SLC26A11: variants seen among roughly 807,000 people sequenced by gnomAD.
SLC26A11 encodes the protein sodium-independent sulfate anion transporter.
A neutral mutation model predicts 62.2 loss-of-function variants in SLC26A11; 58 were observed. The ratio of observed to expected loss-of-function variants is 0.93; its 90% CI spans 0.76 to 1.16. The LOEUF (loss-of-function observed/expected upper bound fraction) is 1.16, where lower values mean the gene tolerates loss of function less well. Among genes scored for constraint, SLC26A11 ranks in the 50% most tolerant of loss-of-function variants. SLC26A11 has a pLI of 0.00. For synonymous variants in SLC26A11, 411 were observed against 368.9 expected (o/e 1.11, Z -1.31); for missense variants, 790 against 794.3 (o/e 0.99, Z 0.06).
chr17:80,223,197 C>T lies in SLC26A11; in HGVS notation c.428-55C>T, dbSNP rs1214097642. 1 of 1,520,908 alleles carries T rather than the reference C, an allele frequency of 6.6e-7. No homozygotes were observed. The highest frequency in any genetic ancestry group is 1.4e-5 in the African/African-American group (1 of 72,806). The allele number at this position is 1,520,908 out of a possible 1,614,324, so 94.2% of individuals were successfully genotyped here. A position where few individuals can be genotyped will look rare whatever the true frequency, so the allele number is the denominator to read the frequency against. On this transcript the variant is annotated intron_variant, in intron 4 of 17. Transcript: ENST00000361193. The surrounding 1 kb of genome is among the most constrained non-coding windows in gnomAD (Gnocchi z 4.6). ...TTCCCCAGCTCACATCTCCCCTCATCCTCTGGGACTGGGTGGAGCCGGGAC... is the reference window on the plus strand; with the variant it reads ...TTCCCCAGCTCACATCTCCCCTCATTCTCTGGGACTGGGTGGAGCCGGGAC...
At chr17:80,248,796 TCTCTGAGTGGGCTGGACCGTC>T (rs2043081716) in intron 15 of SLC26A11, 122 bp downstream of exon 15, 1 of 1,011,890 alleles carries the variant, frequency 9.9e-7, no homozygotes, top group African/African-American at 1.6e-5. Context: ...GATGCAGGCA[TCTCTGAGTGGGCTGGACCGTC>T]CTCTGTGGGC....
intron 7 of SLC26A11, among the ~76,000 whole-genome samples, chr17:80,230,756 A>T (rs1264835733): frequency 6.6e-6 from 1 of 152,334 alleles, no homozygotes; most frequent in East Asian, 1.9e-4. Context: ...TTTACAGTGT[A>T]GGGCTGCTGA....
At chr17:80,239,551 A>G (rs150717202) in intron 9 of SLC26A11, among the ~76,000 whole-genome samples, 22,924 of 151,246 alleles carry the variant, frequency 0.15, 2,659 homozygotes, top group African/African-American at 0.32. Flanking sequence ...CACCACGCCC[A>G]GCTAATTTTT....
intron 17 of SLC26A11, 128 bp downstream of exon 17, chr17:80,251,529 G>A (rs2043155793): frequency 1.3e-5 from 16 of 1,191,158 alleles, no homozygotes; most frequent in East Asian, 5.5e-5. Context: ...TTGGGAGGCC[G>A]AGGCAGGTGG....
rs1214649579 is a variant in SLC26A11, at chr17:80,222,249, G to T, written c.235-406G>T. ...AAATTAGCCAGGTGTGGTGGCGGGT[G>T]CCTGTAGTCCCAGCTACCTGGGAGG... is the stretch of plus-strand genomic sequence containing the variant. On this transcript the variant is annotated intron_variant, in intron 3 of 17. Coordinates refer to ENST00000361193, the MANE Select transcript of SLC26A11 (RefSeq NM_001166347.2). This position sits in a 1 kb window ranked among gnomAD's most constrained non-coding sequence, Gnocchi z 4.7. The T allele has an allele frequency of 2.6e-5, 5 of 193,184 alleles. No homozygotes were observed. Among genetic ancestry groups the T allele is most frequent in the South Asian group, 2.7e-4 (2 of 7,508 alleles). The allele number at this position is 193,184 out of a possible 1,614,324, so 12.0% of individuals were successfully genotyped here.
chr17:80,247,067 T>C (rs1468023956), intron 13 of SLC26A11, among the ~76,000 whole-genome samples: 1 of 151,136 alleles, frequency 6.6e-6, no homozygotes, highest in Non-Finnish European at 1.5e-5. Context: ...TTTTTTTTTT[T>C]TATTATTATT....
At chr17:80,236,727 G>A (rs2042703432) in intron 7 of SLC26A11, 1 of 585,576 alleles carries the variant, frequency 1.7e-6, no homozygotes, top group Non-Finnish European at 3.0e-6. Flanking sequence ...TCCGCAGCCT[G>A]CAGCTCTGCC....
In SLC26A11 at chr17:80,252,507, G is replaced by A; in HGVS notation, c.1730-118G>A. ...GTGACACTGGCCTGGGTGGCCCACA[G>A]CTCCTTCCTGCACACCTTCCAGGAC... is the stretch of plus-strand genomic sequence containing the variant. On this transcript the variant is annotated intron_variant, in intron 17 of 17. Coordinates refer to ENST00000361193, the MANE Select transcript of SLC26A11 (RefSeq NM_001166347.2). This position sits in a 1 kb window ranked among gnomAD's most constrained non-coding sequence, Gnocchi z 5.2. 1.2e-6 allele frequency: 1 copy of A among 848,122 alleles called. No homozygotes were observed. Among genetic ancestry groups the A allele is most frequent in the Non-Finnish European group, 1.8e-6 (1 of 554,004 alleles). 52.5% of individuals were successfully genotyped at this position (848,122 alleles called of 1,614,324 possible).
In SLC26A11 at chr17:80,221,647, C is replaced by T. The variant is rs2042199880; in HGVS notation, c.87C>T (p.Ala29=). The part of the protein sequence containing the change: ...APSACCCSPA[A]LQRRLPILAW... ...GCGCCTGCTGCTGCTCCCCTGCGGC[C>T]CTGCAGAGGAGGCTGCCCATCCTGG... The change falls in exon 3 of 18, where the codon GCC becomes GCT. Residue 29 remains alanine (A), a synonymous_variant. Transcript: ENST00000361193. 6.2e-7 allele frequency: 1 copy of T among 1,612,334 alleles called. No homozygotes were observed. Among genetic ancestry groups the T allele is most frequent in the Non-Finnish European group, 8.5e-7 (1 of 1,179,896 alleles).
intron 10 of SLC26A11, among the ~76,000 whole-genome samples, chr17:80,242,954 G>A (rs1012514161): frequency 6.6e-6 from 1 of 152,172 alleles, no homozygotes; most frequent in Non-Finnish European, 1.5e-5. Flanking sequence ...TGATCCGCCT[G>A]CCTTGGCCTC....
intron 16 of SLC26A11, 128 bp downstream of exon 16, chr17:80,249,415 GCTT>G: frequency 3.1e-6 from 4 of 1,284,170 alleles, no homozygotes; most frequent in Non-Finnish European, 4.2e-6. Context: ...TGCTGGCTCT[GCTT>G]CTGATTTAAA....
chr17:80,248,707 C>G (rs1288028893), intron 15 of SLC26A11, 33 bp downstream of exon 15: 1 of 1,541,162 alleles, frequency 6.5e-7, no homozygotes, highest in East Asian at 2.4e-5. Context: ...GGTCTGAGGT[C>G]ACTCCCCTGT....
chr17:80,238,652 T>C (rs1318760909), intron 9 of SLC26A11, among the ~76,000 whole-genome samples: 1 of 152,098 alleles, frequency 6.6e-6, no homozygotes, highest in African/African-American at 2.4e-5. Context: ...TTAGTCCTTC[T>C]TGCGTTTGGG....
chr17:80,221,667 T>C lies in SLC26A11; in HGVS notation c.107T>C (p.Ile36Thr). ...SPAALQRRLP[I>T]LAWLPSYSLQ... Reference sequence around the variant, plus strand: ...GCGGCCCTGCAGAGGAGGCTGCCCATCCTGGCGTGGCTGCCCAGCTACTCC... The same window carrying C: ...GCGGCCCTGCAGAGGAGGCTGCCCACCCTGGCGTGGCTGCCCAGCTACTCC... The change falls in exon 3 of 18, where the codon ATC becomes ACC. Residue 36 changes from isoleucine to threonine, a missense_variant. Transcript: ENST00000361193. 1 of 1,613,234 alleles carries C rather than the reference T, an allele frequency of 6.2e-7. No individual in the cohort carries two copies. Among genetic ancestry groups the C allele is most frequent in the Non-Finnish European group, 8.5e-7 (1 of 1,179,962 alleles).
At position 80,225,840 on chromosome 17, in the gene SLC26A11, C is replaced by T. The variant is rs1158196208; in HGVS notation, c.517C>T (p.Leu173=). ...VTIGFGQIKN[L]LGLQNIPRPF... ...CAGCATCTCTGTGTTTGGACAGAAC[C>T]TGCTGGGACTACAGAACATCCCCAG... The change falls in exon 6 of 18, where the codon CTG becomes TTG. Residue 173 remains leucine (L), a synonymous_variant. Transcript: ENST00000361193. 2.0e-5 allele frequency: 33 copies of T among 1,613,912 alleles called. No individual in the cohort carries two copies. The highest frequency in any genetic ancestry group is 2.7e-5 in the Non-Finnish European group (32 of 1,179,846).
chr17:80,240,473 T>C (rs1180016590), intron 9 of SLC26A11, among the ~76,000 whole-genome samples: 1 of 152,094 alleles, frequency 6.6e-6, no homozygotes, highest in African/African-American at 2.4e-5. Context: ...GACTTTCCAG[T>C]CATCTCAACT....
chr17:80,221,952 C>A, intron 3 of SLC26A11, 158 bp downstream of exon 3: 1 of 758,776 alleles, frequency 1.3e-6, no homozygotes, highest in Non-Finnish European at 2.1e-6. Flanking sequence ...TGGGCCGACC[C>A]AGGCTCCTAT....
chr17:80,236,648 A>T (rs952201114), intron 7 of SLC26A11: 1 of 382,138 alleles, frequency 2.6e-6, no homozygotes, highest in African/African-American at 2.0e-5. Context: ...ACCTGATTTC[A>T]GAGAGTCTTT....
At chr17:80,240,138 C>T (rs949625215) in intron 9 of SLC26A11, among the ~76,000 whole-genome samples, 82 of 151,786 alleles carry the variant, frequency 5.4e-4, no homozygotes, top group African/African-American at 1.8e-3. Context: ...GAGGCCGAGG[C>T]GGGTGGATCA....
Sources: allele counts gnomAD v4.1 joint callset (sites outside exome capture counted in the v4.1 genomes callset), GRCh38; gene constraint gnomAD v4.1.1; non-coding constraint Gnocchi (gnomAD v3.1); transcripts MANE v1.5; gene names NCBI Gene and HGNC (gene_info 2026-07-23, HGNC 2026-07-21).